Variants in CREB3L2 observed in about 807,000 individuals in gnomAD.
CREB3L2 encodes the protein cyclic AMP-responsive element-binding protein 3-like protein 2.
Under a neutral mutation model 57.2 loss-of-function variants are expected in CREB3L2, and 23 were observed. The ratio of observed to expected loss-of-function variants is 0.40; its 90% CI spans 0.29 to 0.57. The LOEUF is 0.57. CREB3L2 is among the 20% of genes least tolerant of loss of function. CREB3L2 has a pLI of 0.42. For missense variants in CREB3L2, 628 were observed against 634.7 expected, an observed-to-expected ratio of 0.99 and a Z score of 0.11; for synonymous variants, 268 against 265.1, an observed-to-expected ratio of 1.01 and a Z score of -0.11.
intron 1 of CREB3L2, chr7:137,958,007 T>C (rs554617363): frequency 7.4e-6 from 2 of 269,990 alleles, no homozygotes; most frequent in South Asian, 7.1e-5. Context: ...CCAGGAGCTG[T>C]TCAACTGAAT....
At chr7:137,894,389 A>G (rs1220547370) in intron 8 of CREB3L2, among the ~76,000 whole-genome samples, 1 of 152,158 alleles carries the variant, frequency 6.6e-6, no homozygotes, top group African/African-American at 2.4e-5. Context: ...GGAATCTCAT[A>G]TCTTCTATAA....
intron 1 of CREB3L2, among the ~76,000 whole-genome samples, chr7:137,983,741 T>TG (rs1222697027): frequency 6.6e-6 from 1 of 152,182 alleles, no homozygotes; most frequent in African/African-American, 2.4e-5. Flanking sequence ...CTCTCCCCTG[T>TG]GGTTGTTCTG....
rs1799202181 is a variant in CREB3L2, at chr7:137,878,215, T to G, written c.*2261A>C. ...GGGGCTAGAAGTTTCCTTTATCTTC[T>G]CCCTCCTCATTTAGAAGAGCACGTT... On this transcript the variant is annotated 3_prime_UTR_variant, in exon 12 of 12. Coordinates refer to ENST00000330387, the MANE Select transcript of CREB3L2 (RefSeq NM_194071.4). The G allele has an allele frequency of 4.3e-6, 1 of 232,072 alleles. No individual in the cohort carries two copies. Among genetic ancestry groups the G allele is most frequent in the Non-Finnish European group, 8.5e-6 (1 of 117,428 alleles). 14.4% of individuals were successfully genotyped at this position (232,072 alleles called of 1,614,324 possible).
intron 8 of CREB3L2, among the ~76,000 whole-genome samples, chr7:137,892,681 A>G (rs528611718): frequency 2.0e-5 from 3 of 152,158 alleles, no homozygotes; most frequent in African/African-American, 7.2e-5. Flanking sequence ...TGATCAGGTG[A>G]CCTCATGATG....
Position 138,001,615 on chromosome 7 carries a change from T to C in CREB3L2, c.91A>G (p.Met31Val), listed in dbSNP as rs773314050. 3 of 1,612,830 alleles carry C rather than the reference T, an allele frequency of 1.9e-6. No individual in the cohort carries two copies. Among genetic ancestry groups the C allele is most frequent in the Non-Finnish European group, 1.7e-6 (2 of 1,179,402 alleles). The change falls in exon 1 of 12, where the codon ATG becomes GTG. Residue 31 changes from methionine (M) to valine (V), a missense_variant. Met to Val is a conservative substitution (Grantham distance 21). Transcript: ENST00000330387. This position sits in a 1 kb window ranked among gnomAD's most constrained non-coding sequence, Gnocchi z 4.2. ...LSEPGDGEAL[M>V]YHTHFSELLD... ...CGCCGGGTCCTCACCGTGTGGTACA[T>C]GAGGGCCTCGCCGTCCCCGGGCTCT...
At chr7:137,903,400 A>C (rs1425540915) in intron 7 of CREB3L2, among the ~76,000 whole-genome samples, 1 of 152,132 alleles carries the variant, frequency 6.6e-6, no homozygotes, top group Non-Finnish European at 1.5e-5. Context: ...GCTAAGACAA[A>C]ACTGTATTTA....
intron 1 of CREB3L2, among the ~76,000 whole-genome samples, chr7:137,972,768 G>T (rs1237066080): frequency 0.12 from 9,282 of 75,566 alleles, 978 homozygotes; most frequent in Middle Eastern, 0.21. Flanking sequence ...GAGAGAGAGA[G>T]AGAAAAGAAA....
At position 137,875,373 on chromosome 7, in the gene CREB3L2, AT is replaced by A. The variant is rs1799125033; in HGVS notation, c.*5102del. On this transcript the variant is annotated 3_prime_UTR_variant, in exon 12 of 12. Coordinates refer to ENST00000330387, the MANE Select transcript of CREB3L2 (RefSeq NM_194071.4). ...ATAAACTGTTTTATCTGAAAAGGTGATTTTCTAAGTAGTGTAAGCCATGGGT... is the reference window on the plus strand; with the variant it reads ...ATAAACTGTTTTATCTGAAAAGGTGATTTCTAAGTAGTGTAAGCCATGGGT... 9.1e-6 allele frequency: 2 copies of A among 219,368 alleles called. No individual in the cohort carries two copies. The highest frequency in any genetic ancestry group is 4.5e-5 in the African/African-American group (2 of 44,546). 13.6% of individuals were successfully genotyped at this position (219,368 alleles called of 1,614,324 possible).
At position 137,876,324 on chromosome 7, in the gene CREB3L2, ATGTGCACGTGTG is replaced by A. The variant is rs1799150928; in HGVS notation, c.*4140_*4151del. 4.8e-6 allele frequency: 1 copy of A among 209,296 alleles called. No individual in the cohort carries two copies. Among genetic ancestry groups the A allele is most frequent in the African/African-American group, 2.8e-5 (1 of 36,092 alleles). The allele number at this position is 209,296 out of a possible 1,614,324, so 13.0% of individuals were successfully genotyped here. On this transcript the variant is annotated 3_prime_UTR_variant, in exon 12 of 12. Coordinates refer to ENST00000330387, the MANE Select transcript of CREB3L2 (RefSeq NM_194071.4). The stretch of plus-strand genomic sequence containing the variant: ...GCACAAATGAGCATGTAAGGGAGGA[ATGTGCACGTGTG>A]TGTGTGTGTGTGTGTGTGTGTGTGT...
At position 137,908,296 on chromosome 7, in the gene CREB3L2, C is replaced by T. The variant is rs565427323; in HGVS notation, c.724G>A (p.Ala242Thr). The change falls in exon 5 of 12, where the codon GCC becomes ACC. Residue 242 changes from alanine to threonine, a missense_variant. This residue lies in a region of CREB3L2 where 339 missense variants were observed against 355.4 expected (regional missense o/e 0.95). Coordinates refer to ENST00000330387, the MANE Select transcript of CREB3L2 (RefSeq NM_194071.4). ...THSPSRAAPR[A>T]PSALSSSPLL... Reference sequence around the variant, plus strand: ...GGGGAGCTGGAGAGGGCGGAGGGGGCCCGGGGTGCAGCTCTGGAGGGGCTG... The same window carrying T: ...GGGGAGCTGGAGAGGGCGGAGGGGGTCCGGGGTGCAGCTCTGGAGGGGCTG... 7 of 1,258,124 alleles carry T rather than the reference C, an allele frequency of 5.6e-6. No individual in the cohort carries two copies. The highest frequency in any genetic ancestry group is 7.1e-6 in the Non-Finnish European group (7 of 992,416). The allele number at this position is 1,258,124 out of a possible 1,614,324, so 77.9% of individuals were successfully genotyped here. A position where few individuals can be genotyped will look rare whatever the true frequency, so the allele number is the denominator to read the frequency against.
intron 1 of CREB3L2, among the ~76,000 whole-genome samples, chr7:137,943,349 G>A (rs924198337): frequency 2.6e-5 from 4 of 152,004 alleles, no homozygotes; most frequent in African/African-American, 9.7e-5. Flanking sequence ...GCAAAGAATG[G>A]CTTCCCTTGA....
chr7:137,964,452 G>A (rs888910452), intron 1 of CREB3L2, among the ~76,000 whole-genome samples: 5 of 152,144 alleles, frequency 3.3e-5, no homozygotes, highest in Non-Finnish European at 5.9e-5. Context: ...GTTTTCCTCC[G>A]TGTTTAGCCT....
intron 1 of CREB3L2, among the ~76,000 whole-genome samples, chr7:137,987,885 C>G (rs1178240952): frequency 7.9e-5 from 12 of 152,166 alleles, no homozygotes; most frequent in African/African-American, 2.9e-4. Flanking sequence ...ACGGGTGGTT[C>G]AAACTCACAA....
At chr7:137,906,171 G>T (rs1168996820) in intron 5 of CREB3L2, among the ~76,000 whole-genome samples, 1 of 152,228 alleles carries the variant, frequency 6.6e-6, no homozygotes, top group South Asian at 2.1e-4. Flanking sequence ...CACATCCCTA[G>T]AGATTTCCTG....
chr7:137,902,728 A>T (rs1169178282), intron 7 of CREB3L2, among the ~76,000 whole-genome samples: 1 of 152,212 alleles, frequency 6.6e-6, no homozygotes, highest in Non-Finnish European at 1.5e-5. Flanking sequence ...TACCAAACAC[A>T]ATGTAAATAC....
intron 1 of CREB3L2, among the ~76,000 whole-genome samples, chr7:137,972,852 C>T (rs1278995521): frequency 1.3e-5 from 2 of 150,424 alleles, no homozygotes; most frequent in East Asian, 3.9e-4. Flanking sequence ...AACTCTAAGG[C>T]ACCTGTAACA....
In CREB3L2 at chr7:138,001,866, G is replaced by A. The variant is rs1041930297; in HGVS notation, c.-161C>T. On this transcript the variant is annotated 5_prime_UTR_variant, in exon 1 of 12. Coordinates refer to ENST00000330387, the MANE Select transcript of CREB3L2 (RefSeq NM_194071.4). This position sits in a 1 kb window ranked among gnomAD's most constrained non-coding sequence, Gnocchi z 4.2. The stretch of plus-strand genomic sequence containing the variant: ...GAAAGCAAACGTCTGCTCCTCTGCC[G>A]GAGAGAGGATGGCCAAGCGCTCCCG... The A allele has an allele frequency of 2.4e-5, 12 of 507,754 alleles. No individual in the cohort carries two copies. The South Asian group carries it at 3.4e-4, about 14-fold the overall frequency. 31.5% of individuals were successfully genotyped at this position (507,754 alleles called of 1,614,324 possible).
chr7:137,987,757 C>T, intron 1 of CREB3L2, among the ~76,000 whole-genome samples: 1 of 152,228 alleles, frequency 6.6e-6, no homozygotes, highest in East Asian at 1.9e-4. Flanking sequence ...AATCATGGCT[C>T]ACTGCAGCCT....
chr7:137,905,607 T>TG, intron 6 of CREB3L2, 95 bp downstream of exon 6: 1 of 1,321,720 alleles, frequency 7.6e-7, no homozygotes, highest in South Asian at 1.2e-5. Context: ...CACCATGGGA[T>TG]GGGGTAGTGC....
Sources: gnomAD v4.1 joint callset for allele counts (sites outside exome capture counted in the v4.1 genomes callset) on GRCh38, gnomAD v4.1.1 for gene constraint, gnomAD v4.1.1 regional missense constraint, Gnocchi (gnomAD v3.1) non-coding constraint, MANE v1.5 for transcripts, NCBI Gene and HGNC (gene_info 2026-07-23, HGNC 2026-07-21) for gene names.